MYLK3: variants seen among roughly 807,000 people sequenced by gnomAD.
MYLK3 encodes MLC kinase.
A neutral mutation model predicts 76.3 loss-of-function variants in MYLK3; 55 were observed. The ratio of observed to expected loss-of-function variants is 0.72; its 90% confidence interval spans 0.58 to 0.90. MYLK3 has a LOEUF of 0.90. Ranked by LOEUF, MYLK3 falls within the 40% of genes least tolerant of loss-of-function variation. The probability of loss-of-function intolerance (pLI) is 0.00; values close to 1 mark genes in which losing one functional copy is unlikely to be tolerated. For missense variants in MYLK3, 973 were observed against 1,053.6 expected (o/e 0.92, Z 1.06); for synonymous variants, 416 against 425.4 (o/e 0.98, Z 0.27).
chr16:46,751,759 A>G (rs1967128676), upstream of MYLK3, among the ~76,000 whole-genome samples: 1 of 152,246 alleles, frequency 6.6e-6, no homozygotes, highest in Non-Finnish European at 1.5e-5. Context: ...AAAGCCTAGA[A>G]CATATTGCAG....
rs569409382 is a variant in MYLK3 at position 46,722,940 on chromosome 16, G to A, written c.1915-1747C>T. On this transcript the variant is annotated intron_variant, in intron 8 of 12. Transcript: ENST00000394809. ...TTGGCCAGGCTGGTCTCAAACTCCC[G>A]ACCTCAGGTGATCTGCCTGCCTCAA... 6.0e-4 allele frequency among the ~76,000 whole-genome samples: 91 copies of A among 152,284 alleles called. 2 individuals are homozygous for A. The South Asian group carries it at 0.012, about 20-fold the overall frequency.
At position 46,706,916 on chromosome 16, in the gene MYLK3, G is replaced by A. The variant is rs1242868827; in HGVS notation, c.*788C>T. 1 of 152,208 alleles carries A rather than the reference G, an allele frequency of 6.6e-6. No homozygotes were observed. Among genetic ancestry groups the A allele is most frequent in the Non-Finnish European group, 1.5e-5 (1 of 68,042 alleles). The allele number at this position is 152,208 out of a possible 1,614,324, so 9.4% of individuals were successfully genotyped here. On this transcript the variant is annotated 3_prime_UTR_variant, in exon 13 of 13. Transcript: ENST00000394809. ...AGTGCTACAGCCTGAGGCAGCAGAA[G>A]AGCAGCTTTCCTTTATGTCTCAGGA...
rs115181330 is a variant in MYLK3, at chr16:46,760,153, T to C, written c.-114+2887A>G. On this transcript the variant is annotated intron_variant, in intron 1 of 11. Coordinates refer to the MYLK3 transcript ENST00000536476. ...CCAAGGGGGAGGGACCACTGCCCCA[T>C]TTCACTCGTGGAGAGACTGAGGTCA... 8.1e-3 allele frequency among the ~76,000 whole-genome samples: 1,234 copies of C among 152,300 alleles called. 20 individuals are homozygous for C. Among genetic ancestry groups the C allele is most frequent in the African/African-American group, 0.028 (1,163 of 41,564 alleles).
At chr16:46,719,340 A>AT (rs1218205464) in intron 9 of MYLK3, among the ~76,000 whole-genome samples, 1 of 152,080 alleles carries the variant, frequency 6.6e-6, no homozygotes, top group Admixed American at 6.6e-5. Context: ...AAAAAAAAAA[A>AT]AAGAAGATAT....
At chr16:46,756,855 G>A (rs376166546) in intron 1 of MYLK3, among the ~76,000 whole-genome samples, 3 of 152,274 alleles carry the variant, frequency 2.0e-5, no homozygotes, top group East Asian at 1.9e-4. Context: ...GTAAGTCCAC[G>A]AAAATGGCAG....
At position 46,747,983 on chromosome 16, in the gene MYLK3, G is replaced by C. The variant is rs749607925; in HGVS notation, c.211C>G (p.Arg71Gly). Residue 71 changes from arginine to glycine, a missense_variant, in exon 1 of 13, where the codon CGG (arginine) becomes GGG (glycine). By Grantham distance (125) the Arg-to-Gly change is moderately radical. Transcript: ENST00000394809. ...TCAGCCCCGCCCGGGCCCGGTGCCC[G>C]GGAGGCCTCCAGCCTGTGCAGGCCC... ...ERGLHRLEASRAPGPGGADGV... is the reference protein window; with the variant it reads ...ERGLHRLEASGAPGPGGADGV... The C allele has an allele frequency of 6.2e-7, 1 of 1,613,094 alleles. No individual in the cohort carries two copies. Among genetic ancestry groups the C allele is most frequent in the African/African-American group, 1.3e-5 (1 of 74,932 alleles).
intron 9 of MYLK3, among the ~76,000 whole-genome samples, chr16:46,717,246 C>T (rs1479621946): frequency 6.6e-6 from 1 of 152,178 alleles, no homozygotes; most frequent in Non-Finnish European, 1.5e-5. Flanking sequence ...ACCCAGCTGG[C>T]ATCCACTGCT....
upstream of MYLK3, among the ~76,000 whole-genome samples, chr16:46,749,439 A>T (rs938475514): frequency 3.9e-5 from 6 of 152,232 alleles, no homozygotes; most frequent in Non-Finnish European, 8.8e-5. Context: ...AAAAGCAATT[A>T]TGATAAAAAC....
At chr16:46,718,569 G>A (rs746059752) in intron 9 of MYLK3, among the ~76,000 whole-genome samples, 4 of 152,352 alleles carry the variant, frequency 2.6e-5, no homozygotes, top group East Asian at 1.9e-4. Context: ...GAGCTCAGGC[G>A]CGCGGCTCTG....
intron 1 of MYLK3, among the ~76,000 whole-genome samples, chr16:46,747,261 C>A (rs935839880): frequency 2.6e-5 from 4 of 152,214 alleles, no homozygotes; most frequent in Non-Finnish European, 4.4e-5. Context: ...GGCAGCTGCA[C>A]TCTCCACTCC....
intron 9 of MYLK3, among the ~76,000 whole-genome samples, chr16:46,720,259 A>G (rs921598956): frequency 2.6e-5 from 4 of 152,190 alleles, no homozygotes; most frequent in Admixed American, 2.6e-4. Context: ...TACTGCCCAG[A>G]CTGGAGTGTA....
intron 9 of MYLK3, among the ~76,000 whole-genome samples, chr16:46,720,399 T>G (rs1356388980): frequency 6.6e-6 from 1 of 151,996 alleles, no homozygotes; most frequent in Non-Finnish European, 1.5e-5. Flanking sequence ...GAGGTCTTGC[T>G]GTGTTGCCCA....
chr16:46,737,846 G>T lies in MYLK3; in HGVS notation c.866C>A (p.Ser289Ter). 1 of 1,613,896 alleles carries T rather than the reference G, an allele frequency of 6.2e-7. No homozygotes were observed. Among genetic ancestry groups the T allele is most frequent in the Non-Finnish European group, 8.5e-7 (1 of 1,180,034 alleles). ...GGGCTCAGGGTCAGGCCTGCTGGACGATGCTCCTTGTCCTGCACCTGGTGC... is the reference window on the plus strand; with the variant it reads ...GGGCTCAGGGTCAGGCCTGCTGGACTATGCTCCTTGTCCTGCACCTGGTGC... The part of the protein sequence containing the change: ...EVAPGAGQGA[S>*]SSRPDPEPLE... Residue 289 changes from serine (S) to a stop codon, truncating the protein, a stop_gained, in exon 3 of 13, where the codon TCG becomes TAG. Transcript: ENST00000394809. LOFTEE classifies it high-confidence loss of function.
intron 8 of MYLK3, among the ~76,000 whole-genome samples, chr16:46,724,331 A>T (rs1966829081): frequency 6.6e-6 from 1 of 151,762 alleles, no homozygotes; most frequent in Non-Finnish European, 1.5e-5. Flanking sequence ...ATCTTTTTTT[A>T]ATTATATTTT....
chr16:46,752,628 C>T (rs184201545), upstream of MYLK3, among the ~76,000 whole-genome samples: 1 of 152,278 alleles, frequency 6.6e-6, no homozygotes, highest in African/African-American at 2.4e-5. Flanking sequence ...TAACCCCACA[C>T]TTTGGGAGGC....
At chr16:46,761,751 G>A (rs1438569746) in intron 1 of MYLK3, among the ~76,000 whole-genome samples, 1 of 152,062 alleles carries the variant, frequency 6.6e-6, no homozygotes, top group Non-Finnish European at 1.5e-5. Context: ...CTGGGGGGTG[G>A]GGGTTGCAGT....
At chr16:46,709,445 A>G (rs78961879) in intron 12 of MYLK3, 94 bp downstream of exon 12, 2 of 1,349,226 alleles carry the variant, frequency 1.5e-6, no homozygotes, top group Non-Finnish European at 2.0e-6. Context: ...AAAAAGAAGA[A>G]AAAAAAAAAA....
Position 46,729,079 on chromosome 16 carries a change from T to A in MYLK3, c.1717A>T (p.Ile573Phe). 1 of 1,614,142 alleles carries A rather than the reference T, an allele frequency of 6.2e-7. No individual in the cohort carries two copies. Among genetic ancestry groups the A allele is most frequent in the Non-Finnish European group, 8.5e-7 (1 of 1,179,988 alleles). ...CTCTCGAAGGCGTCATAGAGCTGGA[T>A]CAGGTTCACGTGGCTGAGCTGGTTC... ...IMNQLSHVNL[I>F]QLYDAFESKH... Residue 573 changes from isoleucine to phenylalanine, a missense_variant, in exon 7 of 13, where the codon ATC (isoleucine) becomes TTC (phenylalanine). Physicochemically the swap from Ile to Phe is conservative, Grantham distance 21 (BLOSUM62 0). Around this residue, in one of 2 missense-constraint regions of MYLK3, gnomAD observed 332 missense variants for 416.6 expected, o/e 0.80. Transcript: ENST00000394809.
rs142530344 is a variant in MYLK3, at chr16:46,755,236, C to G, written c.-114+7804G>C. Among the ~76,000 whole-genome samples, 447 of 152,116 alleles carry G rather than the reference C, an allele frequency of 2.9e-3. 2 individuals are homozygous for G. Among genetic ancestry groups the G allele is most frequent in the African/African-American group, 0.01 (423 of 41,508 alleles). Reference sequence around the variant, plus strand: ...CTAAGGAAGCTGCTTTGACGATATACTCCAGCAAAATGAGGGGGTAAACAG... The same window carrying G: ...CTAAGGAAGCTGCTTTGACGATATAGTCCAGCAAAATGAGGGGGTAAACAG... On this transcript the variant is annotated intron_variant, in intron 1 of 11. Coordinates refer to the MYLK3 transcript ENST00000536476.
Sources: gnomAD v4.1 joint callset for allele counts (sites outside exome capture counted in the v4.1 genomes callset) on GRCh38, gnomAD v4.1.1 for gene constraint, gnomAD v4.1.1 regional missense constraint, MANE v1.5 for transcripts, NCBI Gene and HGNC (gene_info 2026-07-23, HGNC 2026-07-21) for gene names.